TMEM65: variants seen among roughly 807,000 people sequenced by gnomAD.
TMEM65 encodes the protein transmembrane protein 65.
Under a neutral mutation model 25.4 loss-of-function variants are expected in TMEM65, and 22 were observed. The ratio of observed to expected loss-of-function variants is 0.86; its 90% CI spans 0.62 to 1.23. The LOEUF is 1.23. Among genes scored for constraint, TMEM65 ranks in the 50% most tolerant of loss-of-function variants. The pLI, the probability that TMEM65 is intolerant of heterozygous loss-of-function variation, is 0.00. For missense variants in TMEM65, 262 were observed against 308.2 expected (o/e 0.85, Z 1.12); for synonymous variants, 132 against 126.2 (o/e 1.05, Z -0.31).
At chr8:124,317,257 T>TA (rs1260005581) in intron 6 of TMEM65, among the ~76,000 whole-genome samples, 2 of 152,192 alleles carry the variant, frequency 1.3e-5, no homozygotes, top group East Asian at 3.8e-4. Context: ...CACCTCCCGT[T>TA]AGTGTTTCAA....
chr8:124,332,212 A>C (rs1343462206), intron 1 of TMEM65, among the ~76,000 whole-genome samples: 2 of 152,208 alleles, frequency 1.3e-5, no homozygotes, highest in East Asian at 1.9e-4. Flanking sequence ...GGATACTGCT[A>C]TACTCCAGAG....
chr8:124,358,858 C>T (rs1313528183), intron 1 of TMEM65, among the ~76,000 whole-genome samples: 1 of 152,200 alleles, frequency 6.6e-6, no homozygotes, highest in Non-Finnish European at 1.5e-5. Flanking sequence ...ACTGCTCTCT[C>T]GCAGCAAATG....
chr8:124,315,979 A>T (rs1009701446), intron 6 of TMEM65, among the ~76,000 whole-genome samples: 3 of 152,184 alleles, frequency 2.0e-5, no homozygotes, highest in Admixed American at 6.5e-5. Flanking sequence ...GAAAATAACC[A>T]TTGCCAATAG....
chr8:124,340,550 C>T (rs945022810), intron 1 of TMEM65, among the ~76,000 whole-genome samples: 1 of 152,106 alleles, frequency 6.6e-6, no homozygotes, highest in Non-Finnish European at 1.5e-5. Context: ...AACACAGATA[C>T]ATGACTTTTC....
intron 1 of TMEM65, among the ~76,000 whole-genome samples, chr8:124,356,656 C>G (rs1190136074): frequency 6.6e-6 from 1 of 152,166 alleles, no homozygotes; most frequent in African/African-American, 2.4e-5. Flanking sequence ...ACACACACCT[C>G]AGCCCCAATA....
At chr8:124,314,546 G>C (rs72721443) in intron 6 of TMEM65, among the ~76,000 whole-genome samples, 15,003 of 152,144 alleles carry the variant, frequency 0.099, 817 homozygotes, top group East Asian at 0.15. Flanking sequence ...TACTTACATA[G>C]CAATTTCAGT....
intron 1 of TMEM65, among the ~76,000 whole-genome samples, chr8:124,336,843 TG>T (rs921150768): frequency 2.0e-5 from 3 of 151,856 alleles, no homozygotes; most frequent in Non-Finnish European, 4.4e-5. Context: ...GAGTCAAAAT[TG>T]GTTCTTTGAA....
At chr8:124,322,853 A>C (rs1814322293) in intron 4 of TMEM65, among the ~76,000 whole-genome samples, 1 of 152,000 alleles carries the variant, frequency 6.6e-6, no homozygotes, top group African/African-American at 2.4e-5. Flanking sequence ...AAAATTAGCC[A>C]GGAATGATGG....
chr8:124,316,941 C>T (rs552144771), intron 6 of TMEM65, among the ~76,000 whole-genome samples: 32 of 152,258 alleles, frequency 2.1e-4, no homozygotes, highest in African/African-American at 7.7e-4. Context: ...AAAATTACAA[C>T]AAGCAAATAG....
intron 6 of TMEM65, among the ~76,000 whole-genome samples, chr8:124,315,381 A>G (rs72711162): frequency 0.1 from 14,991 of 149,614 alleles, 830 homozygotes; most frequent in East Asian, 0.15. Flanking sequence ...GAGTGCAGTG[A>G]TGTAATCTCG....
chr8:124,354,451 T>C (rs1814752833), intron 1 of TMEM65, among the ~76,000 whole-genome samples: 1 of 152,180 alleles, frequency 6.6e-6, no homozygotes, highest in African/African-American at 2.4e-5. Context: ...ATGTGGTACA[T>C]AATCTGATCC....
At chr8:124,361,555 C>T (rs566175987) in intron 1 of TMEM65, among the ~76,000 whole-genome samples, 3 of 151,368 alleles carry the variant, frequency 2.0e-5, no homozygotes, top group Admixed American at 6.6e-5. Flanking sequence ...GATTTTGGGC[C>T]GGGCACGGTG....
At chr8:124,355,014 T>G (rs910703508) in intron 1 of TMEM65, among the ~76,000 whole-genome samples, 1 of 151,854 alleles carries the variant, frequency 6.6e-6, no homozygotes, top group Non-Finnish European at 1.5e-5. Flanking sequence ...GAGAACAACA[T>G]GAAGAAAAGC....
chr8:124,353,515 T>C (rs1025558770), intron 1 of TMEM65, among the ~76,000 whole-genome samples: 25 of 152,226 alleles, frequency 1.6e-4, no homozygotes, highest in Middle Eastern at 3.4e-3. Flanking sequence ...ACTAGCTCTG[T>C]CCACTCTTAG....
chr8:124,334,792 T>C (rs539768064), intron 1 of TMEM65, among the ~76,000 whole-genome samples: 1 of 123,990 alleles, frequency 8.1e-6, no homozygotes, highest in Admixed American at 7.9e-5. Flanking sequence ...AGAAAGAAAA[T>C]TAAAAATTAA....
intron 3 of TMEM65, among the ~76,000 whole-genome samples, chr8:124,325,817 C>T (rs1814359928): frequency 6.6e-6 from 1 of 151,944 alleles, no homozygotes; most frequent in Non-Finnish European, 1.5e-5. Context: ...GGACATAAGG[C>T]TAGACTATAT....
rs1423756241 is a variant in TMEM65 at position 124,311,960 on chromosome 8, A to G, written c.*2000T>C. 6.6e-6 allele frequency: 1 copy of G among 152,590 alleles called. No individual in the cohort carries two copies. The highest frequency in any genetic ancestry group is 1.5e-5 in the Non-Finnish European group (1 of 67,974). 9.5% of individuals were successfully genotyped at this position (152,590 alleles called of 1,614,324 possible). A position where few individuals can be genotyped will look rare whatever the true frequency, so the allele number is the denominator to read the frequency against. ...CTTTCAAGAGCAAGAAGAAAAAACA[A>G]TAATCAAAAGCCCTTTCTAAAGTCA... On this transcript the variant is annotated 3_prime_UTR_variant, in exon 7 of 7. Transcript: ENST00000297632.
At chr8:124,338,421 GT>G (rs56006237) in intron 1 of TMEM65, among the ~76,000 whole-genome samples, 6 of 151,258 alleles carry the variant, frequency 4.0e-5, no homozygotes, top group East Asian at 1.9e-4. Context: ...TGTAAGGGTG[GT>G]TTTTTTTTAT....
intron 1 of TMEM65, among the ~76,000 whole-genome samples, chr8:124,367,798 C>T (rs148160435): frequency 2.7e-4 from 41 of 152,152 alleles, no homozygotes; most frequent in Admixed American, 9.2e-4. Flanking sequence ...TGTATACAGA[C>T]GTAGATAAAT....
Sources: gnomAD v4.1 joint callset for allele counts (sites outside exome capture counted in the v4.1 genomes callset) on GRCh38, gnomAD v4.1.1 for gene constraint, MANE v1.5 for transcripts, NCBI Gene and HGNC (gene_info 2026-07-23, HGNC 2026-07-21) for gene names.